C1QTNF5: variants seen among roughly 807,000 people sequenced by gnomAD.
The protein encoded by C1QTNF5 is C1q and TNF related 5, also known as complement C1q tumor necrosis factor-related protein 5.
C1QTNF5 carries 5 observed loss-of-function variants against 10.9 expected under a neutral mutation model. The observed-to-expected ratio is 0.46, with a 90% confidence interval of 0.24 to 0.97. The LOEUF (loss-of-function observed/expected upper bound fraction) is 0.97, where lower values mean the gene tolerates loss of function less well. Among genes scored for constraint, C1QTNF5 ranks in the 50% least tolerant of loss-of-function variants. C1QTNF5 has a pLI of 0.19. For missense variants in C1QTNF5, 281 were observed against 339.4 expected (o/e 0.83, Z 1.35); for synonymous variants, 161 against 156.5 (o/e 1.03, Z -0.22).
rs369261260 is a variant in C1QTNF5 at position 119,339,323 on chromosome 11, A to C, written c.*8T>G. 3.5e-5 allele frequency: 57 copies of C among 1,611,426 alleles called. No individual in the cohort carries two copies. The Middle Eastern group carries it at 1.6e-3, about 47-fold the overall frequency. On this transcript the variant is annotated 3_prime_UTR_variant, in exon 3 of 3. Coordinates refer to ENST00000528368, the MANE Select transcript of C1QTNF5 (RefSeq NM_001278431.2). This position sits in a 1 kb window ranked among gnomAD's most constrained non-coding sequence, Gnocchi z 5.4. The stretch of plus-strand genomic sequence containing the variant: ...GAGTGAGAGCATGAGCTCACTTTGC[A>C]GTGGGCACTAAGCAAAGACTGGGGA...
In C1QTNF5 at chr11:119,339,852, CG is replaced by C; in HGVS notation, c.215-5del. On this transcript the variant is annotated splice_region_variant and splice_polypyrimidine_tract_variant and intron_variant, in intron 2 of 2. Transcript: ENST00000528368. The surrounding 1 kb of genome is among the most constrained non-coding windows in gnomAD (Gnocchi z 5.4). ...TCCCCTCGAGGTCCCGGCAGTCCTGCGGGGTAAGCGGGGCGGCAGGGTGAGA... is the reference window on the plus strand; with the variant it reads ...TCCCCTCGAGGTCCCGGCAGTCCTGCGGGTAAGCGGGGCGGCAGGGTGAGA... 1 of 1,467,296 alleles carries C rather than the reference CG, an allele frequency of 6.8e-7. No individual in the cohort carries two copies. Among genetic ancestry groups the C allele is most frequent in the East Asian group, 2.5e-5 (1 of 40,088 alleles). The allele number at this position is 1,467,296 out of a possible 1,614,324, so 90.9% of individuals were successfully genotyped here.
chr11:119,345,721 C>G, upstream of C1QTNF5: 1 of 1,613,022 alleles, frequency 6.2e-7, no homozygotes, highest in Non-Finnish European at 8.5e-7. Context: ...CCCCTCAACC[C>G]CACCCCGTCA....
chr11:119,345,739 C>T (rs1449178443), upstream of C1QTNF5: 1 of 1,613,286 alleles, frequency 6.2e-7, no homozygotes, highest in South Asian at 1.1e-5. Context: ...TCATCTTGGG[C>T]CCTTCTCCCG....
Position 119,339,479 on chromosome 11 carries a change from G to C in C1QTNF5, c.584C>G (p.Ala195Gly), listed in dbSNP as rs766867289. Reference sequence around the variant, plus strand: ...GTCCTCAGGCTCCAGCCTCACCATGGCCCCCCCCGAGAGCGAGGCTGGCTT... The same window carrying C: ...GTCCTCAGGCTCCAGCCTCACCATGCCCCCCCCCGAGAGCGAGGCTGGCTT... The part of the protein sequence containing the change: ...WPKPASLSGG[A>G]MVRLEPEDQV... The change falls in exon 3 of 3, where the codon GCC becomes GGC. Residue 195 changes from alanine to glycine, a missense_variant. By Grantham distance (60) the Ala-to-Gly change is moderately conservative. Coordinates refer to ENST00000528368, the MANE Select transcript of C1QTNF5 (RefSeq NM_001278431.2). The surrounding 1 kb of genome is among the most constrained non-coding windows in gnomAD (Gnocchi z 5.4). The C allele has an allele frequency of 2.5e-6, 4 of 1,613,314 alleles. No homozygotes were observed. Among genetic ancestry groups the C allele is most frequent in the Admixed American group, 1.7e-5 (1 of 59,980 alleles).
At chr11:119,346,273 A>AT in the C1QTNF5 span, 1 of 1,612,162 alleles carries the variant, frequency 6.2e-7, no homozygotes, top group Non-Finnish European at 8.5e-7. Context: ...GATGGTTACC[A>AT]TGCCAGGGAG....
In C1QTNF5 at chr11:119,340,260, C is replaced by A. The variant is rs1591300261; in HGVS notation, c.138G>T (p.Leu46Phe). 1 of 1,519,968 alleles carries A rather than the reference C, an allele frequency of 6.6e-7. No homozygotes were observed. The highest frequency in any genetic ancestry group is 8.8e-7 in the Non-Finnish European group (1 of 1,136,520). The allele number at this position is 1,519,968 out of a possible 1,614,324, so 94.2% of individuals were successfully genotyped here. Residue 46 changes from leucine to phenylalanine, a missense_variant, in exon 2 of 3, where the codon TTG (leucine) becomes TTT (phenylalanine). Physicochemically the swap from Leu to Phe is conservative, Grantham distance 22 (BLOSUM62 0). Coordinates refer to ENST00000528368, the MANE Select transcript of C1QTNF5 (RefSeq NM_001278431.2). ...GTPGHHGSQGLPGRDGRDGRD... is the reference protein window; with the variant it reads ...GTPGHHGSQGFPGRDGRDGRD... ...GGCCGTCGCGGCCATCGCGGCCCGG[C>A]AAGCCCTGGCTGCCATGGTGGCCCG...
upstream of C1QTNF5, chr11:119,341,572 G>C: frequency 6.2e-7 from 1 of 1,612,762 alleles, no homozygotes; most frequent in Non-Finnish European, 8.5e-7. Flanking sequence ...AAGCTTCCAG[G>C]TCAGCTGCCT....
At chr11:119,346,035 C>A in the C1QTNF5 span, 4 of 1,611,154 alleles carry the variant, frequency 2.5e-6, no homozygotes, top group East Asian at 2.2e-5. Context: ...AAGCTGTCCC[C>A]GGGTACTTAC....
chr11:119,346,080 C>T, the C1QTNF5 span: 4 of 1,609,870 alleles, frequency 2.5e-6, no homozygotes, highest in Admixed American at 6.8e-5. Context: ...GCCCAAGCAG[C>T]AGGAGGAGCA....
At chr11:119,340,077 GA>G in intron 2 of C1QTNF5, 106 bp downstream of exon 2, 1 of 1,355,254 alleles carries the variant, frequency 7.4e-7, no homozygotes, top group Non-Finnish European at 9.6e-7. Flanking sequence ...AAAGCGCGGG[GA>G]GTGGCGCCCC....
At chr11:119,342,744 C>T (rs749155264), upstream of C1QTNF5, 2 of 1,613,522 alleles carry the variant, frequency 1.2e-6, no homozygotes, top group Non-Finnish European at 1.7e-6. Context: ...GCACAAGGGG[C>T]ATGGCAGTGC....
chr11:119,342,885 T>G (rs1300600677), upstream of C1QTNF5: 4 of 1,613,070 alleles, frequency 2.5e-6, no homozygotes, highest in Non-Finnish European at 2.5e-6. Flanking sequence ...TCCGTGGCAT[T>G]GAAGGCCAGG....
In C1QTNF5 at chr11:119,339,716, G is replaced by T; in HGVS notation, c.347C>A (p.Pro116His). The T allele has an allele frequency of 6.2e-7, 1 of 1,603,214 alleles. No individual in the cohort carries two copies. ...FSAKRSESRVPPPSDAPLPFD... is the reference protein window; with the variant it reads ...FSAKRSESRVHPPSDAPLPFD... ...GGGCAAGGGTGCGTCAGACGGCGGA[G>T]GCACCCGGCTCTCGGAGCGCTTGGC... The change falls in exon 3 of 3, where the codon CCT becomes CAT. Residue 116 changes from proline to histidine, a missense_variant. Coordinates refer to ENST00000528368, the MANE Select transcript of C1QTNF5 (RefSeq NM_001278431.2). The surrounding 1 kb of genome is among the most constrained non-coding windows in gnomAD (Gnocchi z 5.4).
At chr11:119,344,062 T>G (rs1591304397), upstream of C1QTNF5, 17 of 1,469,482 alleles carry the variant, frequency 1.2e-5, no homozygotes, top group Non-Finnish European at 1.6e-5. Context: ...GCTGGGGGGA[T>G]GGGGTGGTGC....
At chr11:119,344,866 A>C (rs747864894), upstream of C1QTNF5, 28 of 1,613,306 alleles carry the variant, frequency 1.7e-5, no homozygotes, top group Non-Finnish European at 2.4e-5. Context: ...AGGTGGGAAC[A>C]CACTCACCGC....
upstream of C1QTNF5, chr11:119,344,958 G>A (rs763646029): frequency 2.8e-5 from 45 of 1,609,532 alleles, no homozygotes; most frequent in Non-Finnish European, 3.7e-5. Context: ...ACCAGGAGGT[G>A]GCTGGCATTG....
At chr11:119,341,407 G>C, upstream of C1QTNF5, 1 of 691,564 alleles carries the variant, frequency 1.4e-6, no homozygotes, top group African/African-American at 1.8e-5. Flanking sequence ...CCCCAGCTGA[G>C]GACTTCTCTT....
In C1QTNF5 at chr11:119,339,397, C is replaced by T; in HGVS notation, c.666G>A (p.Lys222=). The T allele has an allele frequency of 6.2e-7, 1 of 1,613,202 alleles. No homozygotes were observed. Among genetic ancestry groups the T allele is most frequent in the Non-Finnish European group, 8.5e-7 (1 of 1,179,382 alleles). Reference sequence around the variant, plus strand: ...GAAATCCGGAGAAGGTGCTGTCTGTCTTGATGCTGGCATAGATGCCAATGT... The same window carrying T: ...GAAATCCGGAGAAGGTGCTGTCTGTTTTGATGCTGGCATAGATGCCAATGT... ...GDYIGIYASI[K]TDSTFSGFLV... Residue 222 remains lysine (K), a synonymous_variant, in exon 3 of 3, where the codon AAG becomes AAA. Transcript: ENST00000528368. The surrounding 1 kb of genome is among the most constrained non-coding windows in gnomAD (Gnocchi z 5.4).
At chr11:119,341,545 G>T (rs1950502603), upstream of C1QTNF5, 3 of 1,611,462 alleles carry the variant, frequency 1.9e-6, no homozygotes, top group Admixed American at 5.0e-5. Flanking sequence ...GCCGGCTTCA[G>T]GGTCAGGGCT....
Sources: gnomAD v4.1 joint callset for allele counts on GRCh38, gnomAD v4.1.1 for gene constraint, Gnocchi (gnomAD v3.1) non-coding constraint, MANE v1.5 for transcripts, NCBI Gene and HGNC (gene_info 2026-07-23, HGNC 2026-07-21) for gene names.